The following MCTP1 variants were observed in gnomAD, a reference collection of about 807,000 sequenced individuals.
The protein encoded by MCTP1 is multiple C2 and transmembrane domain-containing protein 1.
A neutral mutation model predicts 120.6 loss-of-function variants in MCTP1; 69 were observed. The observed-to-expected ratio is 0.57, with a 90% CI of 0.47 to 0.70. The LOEUF is 0.70. MCTP1 is among the 30% of genes least tolerant of loss of function. MCTP1 has a pLI of 0.00. For synonymous variants in MCTP1, 529 were observed against 493.1 expected (o/e 1.07, Z -0.96); for missense variants, 1,203 against 1,248.8 (o/e 0.96, Z 0.55).
At chr5:94,728,332 C>G (rs531278156) in intron 19 of MCTP1, among the ~76,000 whole-genome samples, 1 of 152,094 alleles carries the variant, frequency 6.6e-6, no homozygotes, top group African/African-American at 2.4e-5. Flanking sequence ...AAAGCAATGT[C>G]GAAGTCATGT....
At chr5:95,243,312 G>A (rs967377053) in intron 1 of MCTP1, among the ~76,000 whole-genome samples, 2 of 152,142 alleles carry the variant, frequency 1.3e-5, no homozygotes, top group Non-Finnish European at 2.9e-5. Context: ...GAAAGAAGGA[G>A]AACAAATGAG....
At chr5:95,202,745 T>G (rs1751208664) in intron 1 of MCTP1, among the ~76,000 whole-genome samples, 1 of 152,128 alleles carries the variant, frequency 6.6e-6, no homozygotes, top group Non-Finnish European at 1.5e-5. Flanking sequence ...TTTCTTTTTT[T>G]GAGATGGAGT....
At chr5:95,254,706 A>G (rs909788918) in intron 1 of MCTP1, among the ~76,000 whole-genome samples, 1 of 152,324 alleles carries the variant, frequency 6.6e-6, no homozygotes, top group South Asian at 2.1e-4. Flanking sequence ...ACACATATTA[A>G]TTGCCAAGTT....
chr5:95,076,329 T>C (rs1012349918), intron 1 of MCTP1, among the ~76,000 whole-genome samples: 3 of 152,210 alleles, frequency 2.0e-5, no homozygotes, highest in Middle Eastern at 3.4e-3. Flanking sequence ...TTGTTTACAT[T>C]AAGCATAGCA....
At chr5:95,125,225 T>C (rs1758535991) in intron 1 of MCTP1, among the ~76,000 whole-genome samples, 2 of 152,212 alleles carry the variant, frequency 1.3e-5, no homozygotes, top group South Asian at 4.1e-4. Context: ...TAATTGATGT[T>C]AGTTACATTT....
intron 1 of MCTP1, among the ~76,000 whole-genome samples, chr5:95,207,326 G>T (rs1236805908): frequency 2.6e-5 from 4 of 152,140 alleles, no homozygotes; most frequent in South Asian, 4.1e-4. Context: ...ATGAGTGTTT[G>T]ATAACCTGCA....
At chr5:95,206,279 T>C (rs1249164359) in intron 1 of MCTP1, among the ~76,000 whole-genome samples, 2 of 152,212 alleles carry the variant, frequency 1.3e-5, no homozygotes, top group South Asian at 4.1e-4. Context: ...TTACATACTG[T>C]AATTCCATTT....
intron 2 of MCTP1, among the ~76,000 whole-genome samples, chr5:94,996,686 A>G (rs1832688931): frequency 6.6e-6 from 1 of 152,150 alleles, no homozygotes; most frequent in Non-Finnish European, 1.5e-5. Context: ...AACCAACCAT[A>G]TTTTATTCTG....
chr5:95,081,356 T>C, intron 1 of MCTP1: 1 of 1,388,478 alleles, frequency 7.2e-7, no homozygotes, highest in South Asian at 1.2e-5. Flanking sequence ...TAAGGAACAA[T>C]CATATACCTA....
intron 19 of MCTP1, among the ~76,000 whole-genome samples, chr5:94,759,776 T>G (rs750581598): frequency 6.6e-6 from 1 of 152,148 alleles, no homozygotes; most frequent in African/African-American, 2.4e-5. Flanking sequence ...GAAAGTTATT[T>G]TCACATAAGT....
intron 12 of MCTP1, among the ~76,000 whole-genome samples, chr5:94,885,800 C>G (rs1329608933): frequency 6.6e-6 from 1 of 152,034 alleles, no homozygotes; most frequent in Non-Finnish European, 1.5e-5. Context: ...TTCAGTGACT[C>G]AAATTTTTTC....
chr5:94,859,062 T>C (rs1157225980), intron 17 of MCTP1, among the ~76,000 whole-genome samples: 1 of 151,636 alleles, frequency 6.6e-6, no homozygotes, highest in Non-Finnish European at 1.5e-5. Context: ...AGGTTTGGAG[T>C]CTATATGTTA....
intron 1 of MCTP1, among the ~76,000 whole-genome samples, chr5:95,071,365 C>G (rs1409681083): frequency 2.0e-5 from 3 of 152,186 alleles, no homozygotes; most frequent in African/African-American, 7.2e-5. Flanking sequence ...ACTTTACATA[C>G]ATTTTCTCTA....
intron 17 of MCTP1, among the ~76,000 whole-genome samples, chr5:94,813,360 T>C (rs1783842326): frequency 1.3e-5 from 2 of 152,198 alleles, no homozygotes; most frequent in South Asian, 4.1e-4. Flanking sequence ...TCGTATGTCA[T>C]TGGTAGGAAT....
chr5:94,960,521 T>C (rs1823862345), intron 2 of MCTP1, among the ~76,000 whole-genome samples: 2 of 152,074 alleles, frequency 1.3e-5, no homozygotes, highest in African/African-American at 4.8e-5. Context: ...AATCTATCCA[T>C]CTGACAAAGG....
chr5:94,927,002 G>A (rs911803539), intron 6 of MCTP1, among the ~76,000 whole-genome samples: 6 of 152,132 alleles, frequency 3.9e-5, no homozygotes, highest in African/African-American at 1.4e-4. Flanking sequence ...AAGCCAACAA[G>A]AGTACTCAAA....
rs376624047 is a variant in MCTP1 at position 94,873,273 on chromosome 5, G to A, written c.1934-32C>T. 6.9e-5 allele frequency: 87 copies of A among 1,251,880 alleles called. 1 individual carries two copies. Among genetic ancestry groups the A allele is most frequent in the Non-Finnish European group, 1.0e-4 (86 of 852,190 alleles). 77.5% of individuals were successfully genotyped at this position (1,251,880 alleles called of 1,614,324 possible). A position where few individuals can be genotyped will look rare whatever the true frequency, so the allele number is the denominator to read the frequency against. On this transcript the variant is annotated intron_variant, in intron 12 of 22. Transcript: ENST00000515393. ...GAGATTTTTGGTAAATATTTTTAGTGTACATAGCACCCACAGTTCACAGTG... is the reference window on the plus strand; with the variant it reads ...GAGATTTTTGGTAAATATTTTTAGTATACATAGCACCCACAGTTCACAGTG...
intron 19 of MCTP1, among the ~76,000 whole-genome samples, chr5:94,742,808 TA>T: frequency 6.6e-6 from 1 of 152,192 alleles, no homozygotes; most frequent in Non-Finnish European, 1.5e-5. Flanking sequence ...GAAATTTCAA[TA>T]TATATCTTCT....
chr5:94,977,387 A>T (rs1828342896), intron 2 of MCTP1, among the ~76,000 whole-genome samples: 1 of 152,088 alleles, frequency 6.6e-6, no homozygotes, highest in Non-Finnish European at 1.5e-5. Flanking sequence ...GTTAAAATGT[A>T]CATACTACCC....
Sources: gnomAD v4.1 joint callset for allele counts (sites outside exome capture counted in the v4.1 genomes callset) on GRCh38, gnomAD v4.1.1 for gene constraint, MANE v1.5 for transcripts, NCBI Gene and HGNC (gene_info 2026-07-23, HGNC 2026-07-21) for gene names.